The following DNER variants were observed in gnomAD, a reference collection of about 807,000 sequenced individuals.
DNER encodes delta and Notch-like epidermal growth factor-related receptor.
DNER carries 33 observed loss-of-function variants against 78.2 expected under a neutral mutation model. The observed-to-expected ratio is 0.42, with a 90% CI of 0.32 to 0.56. The LOEUF is 0.56. Ranked by LOEUF, DNER falls within the 20% of genes least tolerant of loss-of-function variation. The pLI, the probability that DNER is intolerant of heterozygous loss-of-function variation, is 0.11. For missense variants in DNER, 918 were observed against 975.3 expected, an observed-to-expected ratio of 0.94 and a Z score of 0.78; for synonymous variants, 417 against 384.8, an observed-to-expected ratio of 1.08 and a Z score of -0.98.
At chr2:229,688,998 G>A (rs918524165) in intron 1 of DNER, among the ~76,000 whole-genome samples, 1 of 152,186 alleles carries the variant, frequency 6.6e-6, no homozygotes, top group Non-Finnish European at 1.5e-5. Context: ...ATGGAGTGGA[G>A]TTGGGGGAGG....
At chr2:229,689,238 C>T (rs562984190) in intron 1 of DNER, among the ~76,000 whole-genome samples, 1 of 152,166 alleles carries the variant, frequency 6.6e-6, no homozygotes, top group African/African-American at 2.4e-5. Flanking sequence ...GATGGCCACT[C>T]CCCTCCTTGG....
intron 1 of DNER, among the ~76,000 whole-genome samples, chr2:229,681,827 AACACACACACACACAC>A (rs72248647): frequency 2.8e-4 from 41 of 144,448 alleles, no homozygotes; most frequent in African/African-American, 9.5e-4. Context: ...CTCTGCCTAA[AACACACACACACACAC>A]ACACACACAC....
In DNER at chr2:229,473,629, C is replaced by A. The variant is rs981271221; in HGVS notation, c.1261+3511G>T. Among the ~76,000 whole-genome samples, 9 of 152,288 alleles carry A rather than the reference C, an allele frequency of 5.9e-5. No homozygotes were observed. The East Asian group carries it at 7.7e-4, about 13-fold the overall frequency. ...ATTAAATTATTTACCAAATATTAAT[C>A]CCTCCTGCTAACATAAAACGCAACC... On this transcript the variant is annotated intron_variant, in intron 7 of 12. Coordinates refer to ENST00000341772, the MANE Select transcript of DNER (RefSeq NM_139072.4).
chr2:229,559,993 C>T (rs1057164987), intron 4 of DNER, among the ~76,000 whole-genome samples: 2 of 152,204 alleles, frequency 1.3e-5, no homozygotes, highest in Non-Finnish European at 2.9e-5. Flanking sequence ...TTGCCAAGCT[C>T]ACCTCCCTTG....
intron 4 of DNER, among the ~76,000 whole-genome samples, chr2:229,580,723 C>T (rs1030258479): frequency 6.6e-6 from 1 of 152,142 alleles, no homozygotes; most frequent in African/African-American, 2.4e-5. Context: ...CGGGGTTTCT[C>T]TGAGGCAGGC....
At chr2:229,396,138 G>C (rs985677502) in intron 10 of DNER, among the ~76,000 whole-genome samples, 1 of 152,134 alleles carries the variant, frequency 6.6e-6, no homozygotes, top group Non-Finnish European at 1.5e-5. Context: ...TATAAGATCT[G>C]CTTCTGTGTG....
At chr2:229,609,710 C>T (rs1198814423) in intron 1 of DNER, among the ~76,000 whole-genome samples, 1 of 152,204 alleles carries the variant, frequency 6.6e-6, no homozygotes, top group African/African-American at 2.4e-5. Context: ...ACCATAGACA[C>T]AGCAGCAGTG....
intron 11 of DNER, among the ~76,000 whole-genome samples, chr2:229,369,069 T>C (rs1389500853): frequency 6.6e-6 from 1 of 152,194 alleles, no homozygotes; most frequent in Non-Finnish European, 1.5e-5. Flanking sequence ...CTACATTTAC[T>C]TGATCTCCTT....
At chr2:229,679,141 C>T (rs548577036) in intron 1 of DNER, among the ~76,000 whole-genome samples, 20 of 152,284 alleles carry the variant, frequency 1.3e-4, no homozygotes, top group African/African-American at 4.8e-4. Context: ...AGGACCAGCA[C>T]CACAGCATTC....
rs985128108 is a variant in DNER at position 229,462,932 on chromosome 2, C to T, written c.1261+14208G>A. Among the ~76,000 whole-genome samples, 2 of 152,130 alleles carry T rather than the reference C, an allele frequency of 1.3e-5. 1 individual carries two copies. The highest frequency in any genetic ancestry group is 4.8e-5 in the African/African-American group (2 of 41,370). On this transcript the variant is annotated intron_variant, in intron 7 of 12. Coordinates refer to ENST00000341772, the MANE Select transcript of DNER (RefSeq NM_139072.4). ...TGCTCCTACCTGCTTACAGAGTTGA[C>T]TCCTCCTTATGTCTTAATTTTTGAC...
intron 4 of DNER, among the ~76,000 whole-genome samples, chr2:229,549,806 G>GA (rs1696696483): frequency 6.6e-6 from 1 of 151,790 alleles, no homozygotes; most frequent in Non-Finnish European, 1.5e-5. Context: ...AGGTACTCGA[G>GA]AGGCTGAGGC....
intron 8 of DNER, among the ~76,000 whole-genome samples, chr2:229,424,174 C>G (rs2106351816): frequency 6.6e-6 from 1 of 152,344 alleles, no homozygotes; most frequent in African/African-American, 2.4e-5. Context: ...GGGTCTCCAC[C>G]TACACGGAGC....
intron 11 of DNER, among the ~76,000 whole-genome samples, chr2:229,385,501 G>A (rs1427701308): frequency 6.6e-6 from 1 of 152,116 alleles, no homozygotes; most frequent in Admixed American, 6.6e-5. Context: ...GAAATAAAGG[G>A]TATTCAAATA....
intron 1 of DNER, among the ~76,000 whole-genome samples, chr2:229,704,501 G>T (rs1256797682): frequency 6.6e-6 from 1 of 152,180 alleles, no homozygotes; most frequent in African/African-American, 2.4e-5. Context: ...GCCATACAAT[G>T]GATACTATTC....
At chr2:229,531,361 T>G (rs774556465) in intron 5 of DNER, among the ~76,000 whole-genome samples, 1 of 152,182 alleles carries the variant, frequency 6.6e-6, no homozygotes, top group Non-Finnish European at 1.5e-5. Context: ...GGGAAACTCA[T>G]TTTTTTCCAA....
intron 10 of DNER, among the ~76,000 whole-genome samples, chr2:229,389,431 C>T (rs1692969206): frequency 6.6e-6 from 1 of 152,014 alleles, no homozygotes; most frequent in Admixed American, 6.5e-5. Context: ...GAGGCACTCC[C>T]TCTGTCAAAA....
At chr2:229,384,527 G>A (rs1452494511) in intron 11 of DNER, among the ~76,000 whole-genome samples, 1 of 152,058 alleles carries the variant, frequency 6.6e-6, no homozygotes, top group Admixed American at 6.5e-5. Context: ...GACTAACAAA[G>A]AAGAAAAGAG....
intron 1 of DNER, among the ~76,000 whole-genome samples, chr2:229,609,693 G>A (rs1698008683): frequency 6.6e-6 from 1 of 152,176 alleles, no homozygotes; most frequent in South Asian, 2.1e-4. Flanking sequence ...GGGACACAAT[G>A]ACAAACACCA....
intron 1 of DNER, among the ~76,000 whole-genome samples, chr2:229,607,415 TA>T (rs1329047147): frequency 6.6e-6 from 1 of 152,232 alleles, no homozygotes; most frequent in Non-Finnish European, 1.5e-5. Flanking sequence ...GCTCAGAAAC[TA>T]ACTTGTTCAC....
Sources: gnomAD v4.1 joint callset for allele counts (sites outside exome capture counted in the v4.1 genomes callset) on GRCh38, gnomAD v4.1.1 for gene constraint, MANE v1.5 for transcripts, NCBI Gene and HGNC (gene_info 2026-07-23, HGNC 2026-07-21) for gene names.